The following NR3C1 variants were observed in gnomAD, a reference collection of about 807,000 sequenced individuals.
NR3C1 encodes nuclear receptor subfamily 3 group C member 1, also known as glucocorticoid receptor.
Under a neutral mutation model 74.0 loss-of-function variants are expected in NR3C1, and 14 were observed. The observed-to-expected ratio is 0.19, with a 90% CI of 0.12 to 0.30. The LOEUF (loss-of-function observed/expected upper bound fraction) is 0.30, where lower values mean the gene tolerates loss of function less well. NR3C1 is among the 10% of genes least tolerant of loss of function. The pLI, the probability that NR3C1 is intolerant of heterozygous loss-of-function variation, is 1.00. For missense variants in NR3C1, 695 were observed against 909.8 expected, an observed-to-expected ratio of 0.76 and a Z score of 3.04; for synonymous variants, 308 against 332.5, an observed-to-expected ratio of 0.93 and a Z score of 0.80.
At chr5:143,355,295 C>T (rs1028797581) in intron 2 of NR3C1, among the ~76,000 whole-genome samples, 6 of 152,032 alleles carry the variant, frequency 3.9e-5, no homozygotes, top group Admixed American at 3.9e-4. Context: ...ATACCCAACC[C>T]CAAAATTCTA....
chr5:143,303,293 G>C (rs563863304), intron 4 of NR3C1, among the ~76,000 whole-genome samples: 74 of 151,522 alleles, frequency 4.9e-4, no homozygotes, highest in African/African-American at 1.7e-3. Context: ...TTTGTTTTCA[G>C]CTGACCCCCG....
intron 2 of NR3C1, among the ~76,000 whole-genome samples, chr5:143,359,241 A>G (rs1435140949): frequency 6.6e-6 from 1 of 152,250 alleles, no homozygotes; most frequent in African/African-American, 2.4e-5. Context: ...CCAAACTTTA[A>G]CAAGGCTCAC....
intron 4 of NR3C1, among the ~76,000 whole-genome samples, chr5:143,305,313 C>T (rs1037106668): frequency 6.6e-6 from 1 of 151,994 alleles, no homozygotes; most frequent in African/African-American, 2.4e-5. Context: ...ACCACAATGA[C>T]ACCACTGTGG....
chr5:143,413,564 T>G (rs1311392271), intron 1 of NR3C1, among the ~76,000 whole-genome samples: 1 of 152,168 alleles, frequency 6.6e-6, no homozygotes, highest in Non-Finnish European at 1.5e-5. Flanking sequence ...TTGTTTTGTT[T>G]TGTTTTCTGG....
At chr5:143,360,199 TG>T (rs1309016843) in intron 2 of NR3C1, among the ~76,000 whole-genome samples, 1 of 152,236 alleles carries the variant, frequency 6.6e-6, no homozygotes, top group Non-Finnish European at 1.5e-5. Flanking sequence ...TTATCTAAAA[TG>T]TTTTTCATAG....
At chr5:143,416,001 T>A (rs940615443) in intron 1 of NR3C1, among the ~76,000 whole-genome samples, 1 of 152,192 alleles carries the variant, frequency 6.6e-6, no homozygotes, top group African/African-American at 2.4e-5. Context: ...GAATCCATCC[T>A]TATGTTAAAT....
intron 2 of NR3C1, among the ~76,000 whole-genome samples, chr5:143,349,071 CTT>C (rs1829794348): frequency 1.3e-5 from 2 of 152,110 alleles, no homozygotes; most frequent in South Asian, 4.1e-4. Flanking sequence ...AGATTTCTCT[CTT>C]CTTAGTCCTC....
intron 7 of NR3C1, among the ~76,000 whole-genome samples, chr5:143,285,970 T>TAA (rs200720817): frequency 2.4e-5 from 2 of 81,904 alleles, no homozygotes; most frequent in East Asian, 2.6e-4. Context: ...CCAGACTGAT[T>TAA]AAAAAAAAAA....
chr5:143,332,553 A>G, intron 2 of NR3C1: 1 of 801,582 alleles, frequency 1.2e-6, no homozygotes, highest in South Asian at 1.8e-5. Context: ...CTGGAACTTA[A>G]AATAAAAATT....
At chr5:143,370,193 A>C (rs898506198) in intron 2 of NR3C1, among the ~76,000 whole-genome samples, 2 of 152,158 alleles carry the variant, frequency 1.3e-5, no homozygotes, top group African/African-American at 4.8e-5. Flanking sequence ...CTATTCAAAA[A>C]TAAGATTCTC....
chr5:143,399,295 C>G (rs909948801), intron 2 of NR3C1, among the ~76,000 whole-genome samples: 2 of 152,286 alleles, frequency 1.3e-5, no homozygotes, highest in Non-Finnish European at 1.5e-5. Flanking sequence ...TATTCTAAAA[C>G]AGCTGAATGA....
At chr5:143,426,942 C>CA (rs1751560643) in intron 1 of NR3C1, among the ~76,000 whole-genome samples, 1 of 152,152 alleles carries the variant, frequency 6.6e-6, no homozygotes. Flanking sequence ...TTGGGAGGAC[C>CA]ACCCATGTGA....
intron 1 of NR3C1, among the ~76,000 whole-genome samples, chr5:143,419,720 A>G (rs1225970450): frequency 1.3e-5 from 2 of 152,216 alleles, no homozygotes; most frequent in Admixed American, 1.3e-4. Flanking sequence ...GGGCGAAATC[A>G]CAGGACCACA....
rs1009524398 is a variant in NR3C1 at position 143,403,663 on chromosome 5, G to C, written c.-466C>G. 1.0e-6 allele frequency: 1 copy of C among 985,306 alleles called. No individual in the cohort carries two copies. Among genetic ancestry groups the C allele is most frequent in the East Asian group, 1.1e-4 (1 of 8,812 alleles). The allele number at this position is 985,306 out of a possible 1,614,324, so 61.0% of individuals were successfully genotyped here. ...CCGGCCTGGGCGAGCGAGCGGGACC[G>C]AGCGGGGAGCGGGTGGAGGCGGCGC... On this transcript the variant is annotated 5_prime_UTR_variant, in exon 1 of 9. Coordinates refer to ENST00000394464, the MANE Select transcript of NR3C1 (RefSeq NM_000176.3).
chr5:143,332,854 T>A, intron 2 of NR3C1: 1 of 1,448,506 alleles, frequency 6.9e-7, no homozygotes, highest in East Asian at 2.3e-5. Flanking sequence ...TTTAGTGGTA[T>A]CTTTGTAAAA....
intron 2 of NR3C1, among the ~76,000 whole-genome samples, chr5:143,398,682 C>G (rs2151936800): frequency 6.6e-6 from 1 of 152,174 alleles, no homozygotes; most frequent in Admixed American, 6.5e-5. Flanking sequence ...TTTATATTTT[C>G]CTTCACAACT....
chr5:143,423,409 T>A (rs1203112366), intron 1 of NR3C1, among the ~76,000 whole-genome samples: 2 of 152,168 alleles, frequency 1.3e-5, no homozygotes, highest in Non-Finnish European at 2.9e-5. Context: ...AGATATCATC[T>A]CATCCCAGTG....
intron 2 of NR3C1, among the ~76,000 whole-genome samples, chr5:143,318,846 A>G (rs910969468): frequency 1.3e-5 from 2 of 152,226 alleles, no homozygotes; most frequent in African/African-American, 4.8e-5. Context: ...GACATGAGAA[A>G]GACCACATGT....
At chr5:143,379,233 G>T (rs1442898597) in intron 2 of NR3C1, among the ~76,000 whole-genome samples, 1 of 152,148 alleles carries the variant, frequency 6.6e-6, no homozygotes, top group African/African-American at 2.4e-5. Context: ...AATAATAAAA[G>T]CAGTTACATA....
Sources: gnomAD v4.1 joint callset for allele counts (sites outside exome capture counted in the v4.1 genomes callset) on GRCh38, gnomAD v4.1.1 for gene constraint, MANE v1.5 for transcripts, NCBI Gene and HGNC (gene_info 2026-07-23, HGNC 2026-07-21) for gene names.